MDH1B: variants seen among roughly 807,000 people sequenced by gnomAD.
The protein encoded by MDH1B is putative malate dehydrogenase 1B.
MDH1B carries 60 observed loss-of-function variants against 61.4 expected under a neutral mutation model. The observed-to-expected ratio is 0.98, with a 90% confidence interval of 0.79 to 1.21. The LOEUF is 1.21. MDH1B is among the 50% of genes most tolerant of loss of function. The pLI is 0.00. For synonymous variants in MDH1B, 236 were observed against 218.7 expected (o/e 1.08, Z -0.70); for missense variants, 587 against 632.1 (o/e 0.93, Z 0.76).
At chr2:206,763,750 T>C (rs1045141196) in intron 1 of MDH1B, among the ~76,000 whole-genome samples, 1 of 152,168 alleles carries the variant, frequency 6.6e-6, no homozygotes, top group Admixed American at 6.5e-5. Flanking sequence ...ACCAAACTAG[T>C]TCTCCTTGCT....
Position 206,739,631 on chromosome 2 carries a change from GTT to G in MDH1B, c.1488_1489del (p.Gln496HisfsTer4). 1 of 1,614,042 alleles carries G rather than the reference GTT, an allele frequency of 6.2e-7. No individual in the cohort carries two copies. The highest frequency in any genetic ancestry group is 8.5e-7 in the Non-Finnish European group (1 of 1,179,948). On this transcript the variant is annotated frameshift_variant, in exon 11 of 12. Coordinates refer to ENST00000374412, the MANE Select transcript of MDH1B (RefSeq NM_001039845.3). LOFTEE classifies it low-confidence loss of function (END_TRUNC). Reference sequence around the variant, plus strand: ...AAGACTCTGTGGCTTTTCAAAGGTGGTTTGAGGAATCTGATTTGGAAACTCTG... The same window carrying G: ...AAGACTCTGTGGCTTTTCAAAGGTGGTGAGGAATCTGATTTGGAAACTCTG...
chr2:206,740,725 TCTTGCC>T (rs1195623319), intron 10 of MDH1B, among the ~76,000 whole-genome samples: 1 of 152,230 alleles, frequency 6.6e-6, no homozygotes, highest in African/African-American at 2.4e-5. Context: ...GAAGATGCTA[TCTTGCC>T]CTATTGGTTA....
At position 206,737,862 on chromosome 2, in the gene MDH1B, CTT is replaced by C. The variant is rs1687575934; in HGVS notation, c.*619_*620del. 1 of 152,116 alleles carries C rather than the reference CTT, an allele frequency of 6.6e-6. No individual in the cohort carries two copies. 9.4% of individuals were successfully genotyped at this position (152,116 alleles called of 1,614,324 possible). A position where few individuals can be genotyped will look rare whatever the true frequency, so the allele number is the denominator to read the frequency against. ...AAAAAGTGTGATTTATTGTACAGAC[CTT>C]TATACAAAGCACACTCAAGGAAAAA... On this transcript the variant is annotated 3_prime_UTR_variant, in exon 12 of 12. Transcript: ENST00000374412.
At chr2:206,744,337 G>A (rs1472741473) in intron 9 of MDH1B, among the ~76,000 whole-genome samples, 2 of 152,110 alleles carry the variant, frequency 1.3e-5, no homozygotes, top group Non-Finnish European at 2.9e-5. Flanking sequence ...CCAGCTCCTA[G>A]CACTGGCTTA....
chr2:206,741,737 C>T (rs534184984), intron 9 of MDH1B, among the ~76,000 whole-genome samples: 6 of 152,094 alleles, frequency 3.9e-5, no homozygotes, highest in African/African-American at 7.2e-5. Context: ...TGTCCCTCTA[C>T]GGAACCTTGA....
chr2:206,745,272 G>A (rs62195961), intron 9 of MDH1B: 4,765 of 432,464 alleles, frequency 0.011, 47 homozygotes, highest in Non-Finnish European at 0.017. Flanking sequence ...TGGCCCTGCT[G>A]ATACCTCACA....
intron 4 of MDH1B, 141 bp downstream of exon 4, chr2:206,756,757 G>T: frequency 1.4e-6 from 1 of 729,570 alleles, no homozygotes. Context: ...ATATGTATAT[G>T]TGTATACATA....
chr2:206,758,966 T>G (rs1443230500), intron 2 of MDH1B, among the ~76,000 whole-genome samples: 2 of 151,608 alleles, frequency 1.3e-5, no homozygotes, highest in African/African-American at 2.4e-5. Context: ...GCTGTTTGTT[T>G]TTTTTTTTTT....
Position 206,755,232 on chromosome 2 carries a change from G to A in MDH1B, c.687C>T (p.Leu229=). The change falls in exon 5 of 12, where the codon CTC becomes CTT. Residue 229 remains leucine, a synonymous_variant. Coordinates refer to ENST00000374412, the MANE Select transcript of MDH1B (RefSeq NM_001039845.3). ...GCCTGCAGAGAGGCACCCTGCTTCG[G>A]AGGCAGTCCTCCAGAGTGAACACCT... ...NKEVFTLEDC[L]RSRVPLCRLY... The A allele has an allele frequency of 6.2e-7, 1 of 1,614,164 alleles. No homozygotes were observed. Among genetic ancestry groups the A allele is most frequent in the Non-Finnish European group, 8.5e-7 (1 of 1,180,036 alleles).
chr2:206,739,686 T>A, intron 10 of MDH1B, 25 bp from the exon 11 acceptor site: 2 of 1,606,564 alleles, frequency 1.2e-6, no homozygotes, highest in South Asian at 1.1e-5. Context: ...AAAAGAATAG[T>A]TTTTAGTATG....
chr2:206,749,092 C>T lies in MDH1B; in HGVS notation c.1144G>A (p.Ala382Thr), dbSNP rs759981932. Reference sequence around the variant, plus strand: ...TGGTACCAGTATTTCAGTGTAGTGGCTATACTGTGTGCAGCCAAAATGCCT... The same window carrying T: ...TGGTACCAGTATTTCAGTGTAGTGGTTATACTGTGTGCAGCCAAAATGCCT... ...FGGILAAHSI[A>T]TTLKYWYHGS... Residue 382 changes from alanine (A) to threonine (T), a missense_variant, in exon 7 of 12, where the codon GCC becomes ACC. Physicochemically the swap from Ala to Thr is moderately conservative, Grantham distance 58 (BLOSUM62 0). Coordinates refer to ENST00000374412, the MANE Select transcript of MDH1B (RefSeq NM_001039845.3). The T allele has an allele frequency of 1.9e-5, 31 of 1,613,850 alleles. 1 individual carries two copies. The South Asian group carries it at 3.3e-4, about 17-fold the overall frequency.
chr2:206,758,245 A>T (rs1192022689), intron 2 of MDH1B, among the ~76,000 whole-genome samples: 1 of 152,212 alleles, frequency 6.6e-6, no homozygotes, highest in Admixed American at 6.5e-5. Flanking sequence ...AAGGGCATGT[A>T]CAAGACTGGA....
chr2:206,745,981 A>T (rs539956620), intron 8 of MDH1B, among the ~76,000 whole-genome samples: 1 of 152,112 alleles, frequency 6.6e-6, no homozygotes, highest in Admixed American at 6.5e-5. Context: ...TGATCCACCC[A>T]CCTCGACCTC....
intron 5 of MDH1B, among the ~76,000 whole-genome samples, chr2:206,752,698 A>C (rs755805681): frequency 1.3e-5 from 2 of 151,912 alleles, no homozygotes; most frequent in African/African-American, 2.4e-5. Context: ...ATCAGCTTTG[A>C]GGCCCTTGAT....
rs371033736 is a variant in MDH1B at position 206,741,089 on chromosome 2, A to G, written c.1424T>C (p.Val475Ala). The G allele has an allele frequency of 4.3e-6, 7 of 1,612,658 alleles. No homozygotes were observed. The highest frequency in any genetic ancestry group is 1.3e-5 in the African/African-American group (1 of 74,876). The change falls in exon 10 of 12, where the codon GTC becomes GCC. Residue 475 changes from valine to alanine, a missense_variant. Transcript: ENST00000374412. ...QPYQSGHKDL[V>A]PDEEKNLAMS... ...AGCTAGATTTTTTTCTTCATCAGGG[A>G]CCAGATCTTTATGTCCTGAAATCAA...
In MDH1B at chr2:206,741,118, T is replaced by G. The variant is rs1687784516; in HGVS notation, c.1409-14A>C. 1 of 1,612,302 alleles carries G rather than the reference T, an allele frequency of 6.2e-7. No individual in the cohort carries two copies. Among genetic ancestry groups the G allele is most frequent in the Non-Finnish European group, 8.5e-7 (1 of 1,179,112 alleles). On this transcript the variant is annotated splice_polypyrimidine_tract_variant and intron_variant, in intron 9 of 11. Coordinates refer to ENST00000374412, the MANE Select transcript of MDH1B (RefSeq NM_001039845.3). ...GATCTTTATGTCCTGAAATCAAAAT[T>G]AAATAAAACATGCTGGATTTAGAAT...
intron 11 of MDH1B, among the ~76,000 whole-genome samples, chr2:206,738,780 G>A (rs559247282): frequency 6.7e-6 from 1 of 150,330 alleles, no homozygotes; most frequent in South Asian, 2.1e-4. Context: ...TCCAAATTAT[G>A]TATGCAGCTA....
At chr2:206,740,088 T>A (rs1434367012) in intron 10 of MDH1B, among the ~76,000 whole-genome samples, 3 of 152,132 alleles carry the variant, frequency 2.0e-5, no homozygotes, top group Non-Finnish European at 4.4e-5. Context: ...AAAATACAAT[T>A]CTCTACATAA....
chr2:206,741,062 A>G lies in MDH1B; in HGVS notation c.1451T>C (p.Met484Thr), dbSNP rs180714348. The G allele has an allele frequency of 2.5e-6, 4 of 1,613,184 alleles. No individual in the cohort carries two copies. The highest frequency in any genetic ancestry group is 2.7e-5 in the African/African-American group (2 of 75,004). Residue 484 changes from methionine to threonine, a missense_variant, in exon 10 of 12, where the codon ATG (methionine) becomes ACG (threonine). By Grantham distance (81) the Met-to-Thr change is moderately conservative. Coordinates refer to ENST00000374412, the MANE Select transcript of MDH1B (RefSeq NM_001039845.3). ...LVPDEEKNLA[M>T]SDAAEFPNQI... ...TAACCCCACTGACTTACCATCTGAC[A>G]TAGCTAGATTTTTTTCTTCATCAGG...
Sources: allele counts gnomAD v4.1 joint callset (sites outside exome capture counted in the v4.1 genomes callset), GRCh38; gene constraint gnomAD v4.1.1; transcripts MANE v1.5; gene names NCBI Gene and HGNC (gene_info 2026-07-23, HGNC 2026-07-21).